NSD1: variants seen among roughly 807,000 people sequenced by gnomAD.
NSD1 encodes nuclear receptor binding SET domain protein 1.
A neutral mutation model predicts 242.7 loss-of-function variants in NSD1; 26 were observed. The ratio of observed to expected loss-of-function variants is 0.11; its 90% CI spans 0.08 to 0.15. NSD1 has a LOEUF of 0.15. Among genes scored for constraint, NSD1 ranks in the 10% least tolerant of loss-of-function variants. The pLI is 1.00. For synonymous variants in NSD1, 1,106 were observed against 1,178.1 expected, an observed-to-expected ratio of 0.94 and a Z score of 1.25; for missense variants, 2,495 against 3,272.8, an observed-to-expected ratio of 0.76 and a Z score of 5.80.
At chr5:177,152,319 GTGTATGTATGTATGTA>G (rs57114836) in intron 2 of NSD1, among the ~76,000 whole-genome samples, 71 of 128,244 alleles carry the variant, frequency 5.5e-4, no homozygotes, top group East Asian at 4.7e-3. Context: ...TTGTGTGTGT[GTGTATGTATGTATGTA>G]TGTATGTATG....
At chr5:177,150,243 C>T (rs1361046267) in intron 2 of NSD1, among the ~76,000 whole-genome samples, 1 of 152,132 alleles carries the variant, frequency 6.6e-6, no homozygotes, top group African/African-American at 2.4e-5. Flanking sequence ...AAGCGATTCT[C>T]CTGCCTCAGC....
intron 2 of NSD1, among the ~76,000 whole-genome samples, chr5:177,172,765 C>T (rs1390400890): frequency 6.6e-6 from 1 of 151,780 alleles, no homozygotes; most frequent in Admixed American, 6.6e-5. Context: ...TGGAGACCAG[C>T]CTAGGCAACA....
At chr5:177,268,390 A>G (rs1364737676) in intron 15 of NSD1, among the ~76,000 whole-genome samples, 1 of 151,408 alleles carries the variant, frequency 6.6e-6, no homozygotes, top group Non-Finnish European at 1.5e-5. Flanking sequence ...TGACGAGTTA[A>G]TGGGTGCAGC....
chr5:177,238,038 C>A lies in NSD1; in HGVS notation c.3922-199C>A, dbSNP rs183930672. Among the ~76,000 whole-genome samples, 13 of 152,232 alleles carry A rather than the reference C, an allele frequency of 8.5e-5. No individual in the cohort carries two copies. The East Asian group carries it at 2.5e-3, about 29-fold the overall frequency. ...CTCAAGAATTTTCTTATTCTAGATA[C>A]CTCATATACTTGAAATCATACGATA... On this transcript the variant is annotated intron_variant, in intron 6 of 22. Coordinates refer to ENST00000439151, the MANE Select transcript of NSD1 (RefSeq NM_022455.5). The surrounding 1 kb of genome is among the most constrained non-coding windows in gnomAD (Gnocchi z 4.6).
In NSD1 at chr5:177,134,037, C is replaced by T. The variant is rs915315378; in HGVS notation, c.-18+85C>T. The T allele has an allele frequency of 1.3e-5, 2 of 150,680 alleles. No individual in the cohort carries two copies. Among genetic ancestry groups the T allele is most frequent in the Non-Finnish European group, 2.9e-5 (2 of 67,930 alleles). 9.3% of individuals were successfully genotyped at this position (150,680 alleles called of 1,614,324 possible). A position where few individuals can be genotyped will look rare whatever the true frequency, so the allele number is the denominator to read the frequency against. The stretch of plus-strand genomic sequence containing the variant: ...GGCCGGGCGGGGAAGATGGTGGTGG[C>T]CGTAAGGTGAGGGGCTCGGGGGAGG... On this transcript the variant is annotated intron_variant, in intron 1 of 22. Coordinates refer to ENST00000439151, the MANE Select transcript of NSD1 (RefSeq NM_022455.5). The surrounding 1 kb of genome is among the most constrained non-coding windows in gnomAD (Gnocchi z 4.2).
intron 14 of NSD1, chr5:177,266,176 G>A: frequency 9.4e-7 from 1 of 1,062,104 alleles, no homozygotes; most frequent in Non-Finnish European, 1.5e-6. Context: ...GTTGAGCATG[G>A]ACTCGTAGAA....
rs1245257095 is a variant in NSD1, at chr5:177,295,995, C to T, written c.*536C>T. 15 of 259,244 alleles carry T rather than the reference C, an allele frequency of 5.8e-5. No individual in the cohort carries two copies. The highest frequency in any genetic ancestry group is 4.8e-4 in the Admixed American group (10 of 20,808). 16.1% of individuals were successfully genotyped at this position (259,244 alleles called of 1,614,324 possible). Reference sequence around the variant, plus strand: ...CCTGGATTCCAAGGCTTTCAGGAACCTTTGACCAGGAAGTAACAGGAAGTT... The same window carrying T: ...CCTGGATTCCAAGGCTTTCAGGAACTTTTGACCAGGAAGTAACAGGAAGTT... On this transcript the variant is annotated 3_prime_UTR_variant, in exon 23 of 23. Coordinates refer to ENST00000439151, the MANE Select transcript of NSD1 (RefSeq NM_022455.5). This position sits in a 1 kb window ranked among gnomAD's most constrained non-coding sequence, Gnocchi z 4.3.
chr5:177,212,216 T>TTA (rs1554190477), intron 5 of NSD1, 21 bp downstream of exon 5: 200 of 1,388,166 alleles, frequency 1.4e-4, no homozygotes, highest in Non-Finnish European at 1.7e-4. Context: ...CTAAATGTGA[T>TTA]AAAAAAAAAA....
chr5:177,282,984 C>G (rs1034038393), intron 19 of NSD1, among the ~76,000 whole-genome samples: 1 of 152,100 alleles, frequency 6.6e-6, no homozygotes. Context: ...GACAGAGTCT[C>G]GTTCTGTCAC....
chr5:177,279,961 ATATTTTATTTTATTTTATTTTATTT>A (rs571980602), intron 17 of NSD1, among the ~76,000 whole-genome samples: 4,296 of 140,040 alleles, frequency 0.031, 90 homozygotes, highest in South Asian at 0.055. Context: ...TTTAAAGTTC[ATATTTTATTTTATTTTATTTTATTT>A]TATTTTATTT....
At chr5:177,171,266 C>T (rs536500736) in intron 2 of NSD1, among the ~76,000 whole-genome samples, 2 of 151,732 alleles carry the variant, frequency 1.3e-5, no homozygotes, top group Admixed American at 6.6e-5. Flanking sequence ...AAGATCACGC[C>T]GCTGCACTCC....
chr5:177,202,434 A>G (rs555365262), intron 3 of NSD1, among the ~76,000 whole-genome samples: 1 of 152,084 alleles, frequency 6.6e-6, no homozygotes, highest in Non-Finnish European at 1.5e-5. Flanking sequence ...GGTGGAGTGC[A>G]GTGGCGTGAT....
At chr5:177,290,408 A>AT (rs573014778) in intron 21 of NSD1, among the ~76,000 whole-genome samples, 27,524 of 139,310 alleles carry the variant, frequency 0.2, 3,181 homozygotes, top group East Asian at 0.43. Flanking sequence ...GAGTAAATAA[A>AT]TTTTTTTTTT....
At chr5:177,143,460 T>C (rs922043926) in intron 2 of NSD1, among the ~76,000 whole-genome samples, 1 of 152,132 alleles carries the variant, frequency 6.6e-6, no homozygotes, top group Non-Finnish European at 1.5e-5. Flanking sequence ...TAGCTGGGAT[T>C]ACAGGTGCAT....
In NSD1 at chr5:177,209,901, A is replaced by T. The variant is rs1195605492; in HGVS notation, c.1502A>T (p.Lys501Met). The T allele has an allele frequency of 1.2e-6, 2 of 1,614,078 alleles. No individual in the cohort carries two copies. Among genetic ancestry groups the T allele is most frequent in the African/African-American group, 2.7e-5 (2 of 74,936 alleles). The change falls in exon 5 of 23, where the codon AAG becomes ATG. Residue 501 changes from lysine (K) to methionine (M), a missense_variant. By Grantham distance (95) the Lys-to-Met change is moderately conservative. Coordinates refer to ENST00000439151, the MANE Select transcript of NSD1 (RefSeq NM_022455.5). ...EKPCAKSRAR[K>M]SSDNPKRTSV... ...CCTTGCGCTAAATCTCGAGCCAGAA[A>T]GAGCTCTGATAATCCAAAAAGGACT...
chr5:177,264,365 G>A (rs1757247251), intron 14 of NSD1, among the ~76,000 whole-genome samples: 1 of 152,212 alleles, frequency 6.6e-6, no homozygotes, highest in Non-Finnish European at 1.5e-5. Flanking sequence ...TTTCCACATT[G>A]CAACTATACA....
intron 2 of NSD1, among the ~76,000 whole-genome samples, chr5:177,142,947 A>G (rs1756945753): frequency 6.6e-6 from 1 of 152,164 alleles, no homozygotes; most frequent in African/African-American, 2.4e-5. Flanking sequence ...CTGAACTCTT[A>G]ATGGTCCCTT....
chr5:177,256,952 A>G lies in NSD1; in HGVS notation c.4767A>G (p.Gly1589=). 1 of 1,612,878 alleles carries G rather than the reference A, an allele frequency of 6.2e-7. No individual in the cohort carries two copies. The highest frequency in any genetic ancestry group is 8.5e-7 in the Non-Finnish European group (1 of 1,178,874). The change falls in exon 13 of 23, where the codon GGA becomes GGG. Residue 1589 remains glycine (G), a splice_region_variant and synonymous_variant. Transcript: ENST00000439151. ...ATTTATCTTCTTTTGGCTTCTCAGGAATCCATACCTGTTTTGTATGTAAGC... is the reference window on the plus strand; with the variant it reads ...ATTTATCTTCTTTTGGCTTCTCAGGGATCCATACCTGTTTTGTATGTAAGC... ...GKFICNECRT[G]IHTCFVCKQS...
chr5:177,176,272 T>G (rs919315301), intron 2 of NSD1, among the ~76,000 whole-genome samples: 10 of 152,070 alleles, frequency 6.6e-5, no homozygotes, highest in Non-Finnish European at 1.5e-4. Context: ...TCCTTTTTTT[T>G]TTTTGAGATG....
Sources: allele counts gnomAD v4.1 joint callset (sites outside exome capture counted in the v4.1 genomes callset), GRCh38; gene constraint gnomAD v4.1.1; non-coding constraint Gnocchi (gnomAD v3.1); transcripts MANE v1.5; gene names NCBI Gene and HGNC (gene_info 2026-07-23, HGNC 2026-07-21).